KIF13B: variants seen among roughly 807,000 people sequenced by gnomAD.
KIF13B encodes the protein kinesin family member 13B.
A neutral mutation model predicts 222.0 loss-of-function variants in KIF13B; 127 were observed. The ratio of observed to expected loss-of-function variants is 0.57; its 90% CI spans 0.50 to 0.66. The LOEUF (loss-of-function observed/expected upper bound fraction) is 0.66. KIF13B is among the 30% of genes least tolerant of loss of function. The pLI, the probability that KIF13B is intolerant of heterozygous loss-of-function variation, is 0.00. For missense variants in KIF13B, 2,173 were observed against 2,379.0 expected (o/e 0.91, Z 1.80); for synonymous variants, 976 against 919.0 (o/e 1.06, Z -1.12).
chr8:29,089,786 C>CAGG (rs1315882008), intron 37 of KIF13B, among the ~76,000 whole-genome samples: 1 of 150,328 alleles, frequency 6.7e-6, no homozygotes, highest in Non-Finnish European at 1.5e-5. Context: ...CCCAGCTACT[C>CAGG]AGGAGGAGGA....
At chr8:29,163,381 G>A (rs1811864265) in intron 12 of KIF13B, among the ~76,000 whole-genome samples, 1 of 152,198 alleles carries the variant, frequency 6.6e-6, no homozygotes, top group African/African-American at 2.4e-5. Flanking sequence ...ACAGGAAGAT[G>A]TTACAGAGCC....
intron 14 of KIF13B, among the ~76,000 whole-genome samples, chr8:29,155,141 C>T (rs888121604): frequency 2.7e-4 from 41 of 152,028 alleles, no homozygotes; most frequent in African/African-American, 8.7e-4. Context: ...TCATATTATG[C>T]GCCAGGAATG....
At chr8:29,197,120 G>A (rs1057359251) in intron 2 of KIF13B, among the ~76,000 whole-genome samples, 1 of 151,464 alleles carries the variant, frequency 6.6e-6, no homozygotes, top group African/African-American at 2.4e-5. Context: ...GGCGGATCAC[G>A]AGGTCAGGAA....
chr8:29,140,030 T>G, intron 21 of KIF13B, 33 bp downstream of exon 21: 1 of 1,533,074 alleles, frequency 6.5e-7, no homozygotes, highest in Non-Finnish European at 8.8e-7. Context: ...GACTTTTGTA[T>G]CAACGTAATA....
At position 29,071,919 on chromosome 8, in the gene KIF13B, G is replaced by T; in HGVS notation, c.4919C>A (p.Pro1640Gln). 7.0e-7 allele frequency: 1 copy of T among 1,436,646 alleles called. No homozygotes were observed. The highest frequency in any genetic ancestry group is 9.0e-7 in the Non-Finnish European group (1 of 1,107,070). 89.0% of individuals were successfully genotyped at this position (1,436,646 alleles called of 1,614,324 possible). A position where few individuals can be genotyped will look rare whatever the true frequency, so the allele number is the denominator to read the frequency against. Residue 1640 changes from proline (P) to glutamine (Q), a missense_variant, in exon 39 of 40, where the codon CCG becomes CAG. Transcript: ENST00000524189. The surrounding 1 kb of genome is among the most constrained non-coding windows in gnomAD (Gnocchi z 4.9). The part of the protein sequence containing the change: ...PGRERPDLEA[P>Q]APGSPFRVRR... ...GACGCGGAACGGGGAGCCGGGCGCC[G>T]GGGCCTCGAGGTCGGGGCGCTCCCG... is the stretch of plus-strand genomic sequence containing the variant.
intron 14 of KIF13B, among the ~76,000 whole-genome samples, chr8:29,154,856 C>T (rs1420146584): frequency 1.3e-5 from 2 of 152,164 alleles, no homozygotes; most frequent in South Asian, 2.1e-4. Context: ...GATCCTTCCC[C>T]AGAGCTTGAT....
At chr8:29,213,217 A>G (rs1814311748) in intron 2 of KIF13B, among the ~76,000 whole-genome samples, 1 of 152,196 alleles carries the variant, frequency 6.6e-6, no homozygotes, top group Admixed American at 6.5e-5. Context: ...GGTGTGATGG[A>G]AAGAACATGG....
intron 2 of KIF13B, 140 bp downstream of exon 2, chr8:29,245,206 G>A: frequency 3.0e-6 from 2 of 666,754 alleles, no homozygotes; most frequent in South Asian, 3.4e-5. Flanking sequence ...TCTTCAACTT[G>A]AGTACAGGCT....
Position 29,118,968 on chromosome 8 carries a change from T to C in KIF13B, c.3560A>G (p.Asn1187Ser). 1 of 1,613,780 alleles carries C rather than the reference T, an allele frequency of 6.2e-7. No individual in the cohort carries two copies. Among genetic ancestry groups the C allele is most frequent in the Non-Finnish European group, 8.5e-7 (1 of 1,179,794 alleles). ...TCCACCAGCTTCTGGGTCATCAAGA[T>C]TATCCTGAGAGCTGAAATCATCAGC... is the stretch of plus-strand genomic sequence containing the variant. ...LNADDFSSQD[N>S]LDDPEAGGWD... Residue 1187 changes from asparagine (N) to serine (S), a missense_variant, in exon 30 of 40, where the codon AAT (asparagine) becomes AGT (serine). Physicochemically the swap from Asn to Ser is conservative, Grantham distance 46 (BLOSUM62 1). Around this residue, in one of 2 missense-constraint regions of KIF13B, gnomAD observed 1,480 missense variants for 1,722.8 expected, o/e 0.86. Coordinates refer to ENST00000524189, the MANE Select transcript of KIF13B (RefSeq NM_015254.4).
chr8:29,188,851 C>T (rs533122421), intron 4 of KIF13B, among the ~76,000 whole-genome samples: 11 of 152,332 alleles, frequency 7.2e-5, no homozygotes, highest in South Asian at 4.1e-4. Flanking sequence ...GAATCCCCTG[C>T]AATGCAGAGC....
intron 22 of KIF13B, among the ~76,000 whole-genome samples, chr8:29,133,118 TGAAAGA>T (rs1810417263): frequency 6.6e-6 from 1 of 152,142 alleles, no homozygotes; most frequent in African/African-American, 2.4e-5. Flanking sequence ...GCCTCTCTCT[TGAAAGA>T]GATGAAATGG....
At chr8:29,226,474 A>G (rs934800396) in intron 2 of KIF13B, among the ~76,000 whole-genome samples, 9 of 152,270 alleles carry the variant, frequency 5.9e-5, no homozygotes, top group Non-Finnish European at 1.0e-4. Context: ...CTTGAAGGTC[A>G]TTGTTTAGGA....
intron 5 of KIF13B, among the ~76,000 whole-genome samples, chr8:29,187,297 G>C (rs1334830025): frequency 6.6e-6 from 1 of 152,240 alleles, no homozygotes; most frequent in Non-Finnish European, 1.5e-5. Flanking sequence ...GGAGGCCAAG[G>C]TGGGTGGATC....
chr8:29,088,134 C>T (rs551224074), intron 37 of KIF13B, among the ~76,000 whole-genome samples: 18 of 151,656 alleles, frequency 1.2e-4, no homozygotes, highest in Admixed American at 2.6e-4. Context: ...GGCATGGTGG[C>T]GGGCGCCTGT....
chr8:29,208,885 T>C (rs534510750), intron 2 of KIF13B, among the ~76,000 whole-genome samples: 1 of 152,312 alleles, frequency 6.6e-6, no homozygotes, highest in African/African-American at 2.4e-5. Flanking sequence ...CCCTCGAAGG[T>C]TTCCTTTTCT....
intron 3 of KIF13B, among the ~76,000 whole-genome samples, chr8:29,193,496 A>G (rs948533675): frequency 1.3e-5 from 2 of 152,206 alleles, no homozygotes. Flanking sequence ...TTCCACGCTT[A>G]TCTCCATAAT....
upstream of KIF13B, chr8:29,263,146 G>C (rs1281966398): frequency 5.5e-6 from 5 of 912,614 alleles, no homozygotes; most frequent in Non-Finnish European, 8.1e-6. Flanking sequence ...TGGGGACCGG[G>C]CTGGGGGCGG....
At chr8:29,118,602 C>G (rs183069359) in intron 30 of KIF13B, among the ~76,000 whole-genome samples, 14 of 152,318 alleles carry the variant, frequency 9.2e-5, no homozygotes, top group Middle Eastern at 6.8e-3. Flanking sequence ...GGTTGAGGAA[C>G]AGAGAGAGCC....
rs1810766063 is a variant in KIF13B at position 29,140,468 on chromosome 8, C to A, written c.2484G>T (p.Glu828Asp). 1 of 1,612,646 alleles carries A rather than the reference C, an allele frequency of 6.2e-7. No individual in the cohort carries two copies. Among genetic ancestry groups the A allele is most frequent in the East Asian group, 2.2e-5 (1 of 44,882 alleles). The change falls in exon 20 of 40, where the codon GAG (glutamate) becomes GAT (aspartate). Residue 828 changes from glutamate (E) to aspartate (D), a missense_variant and splice_region_variant. Glu to Asp is a conservative substitution (Grantham distance 45). Transcript: ENST00000524189. Reference protein sequence around the residue: ...YAVPIINQKGEVAGRLHVEVM... With the variant: ...YAVPIINQKGDVAGRLHVEVM... ...AACAAGGCATGAAGAGAAAACCAAC[C>A]TCTCCTTTCTGGTTGATGATGGGAA...
Sources: gnomAD v4.1 joint callset for allele counts (sites outside exome capture counted in the v4.1 genomes callset) on GRCh38, gnomAD v4.1.1 for gene constraint, gnomAD v4.1.1 regional missense constraint, Gnocchi (gnomAD v3.1) non-coding constraint, MANE v1.5 for transcripts, NCBI Gene and HGNC (gene_info 2026-07-23, HGNC 2026-07-21) for gene names.